The following SLC17A1 variants were observed in gnomAD, a reference collection of about 807,000 sequenced individuals.
SLC17A1 encodes the protein solute carrier family 17 member 1, also known as sodium-dependent phosphate transport protein 1.
SLC17A1 carries 51 observed loss-of-function variants against 53.5 expected under a neutral mutation model. That is an observed-to-expected ratio of 0.95 (90% CI 0.76 to 1.20). The LOEUF (loss-of-function observed/expected upper bound fraction) is 1.20. SLC17A1 is among the 50% of genes most tolerant of loss of function. The probability of loss-of-function intolerance (pLI) is 0.00; values close to 1 mark genes in which losing one functional copy is unlikely to be tolerated. For synonymous variants in SLC17A1, 179 were observed against 198.8 expected (o/e 0.90, Z 0.84); for missense variants, 538 against 568.2 (o/e 0.95, Z 0.54).
chr6:25,745,016 GA>G, the SLC17A1 span, among the ~76,000 whole-genome samples: 3 of 151,618 alleles, frequency 2.0e-5, no homozygotes, highest in African/African-American at 7.3e-5. Flanking sequence ...TTTGAAACCA[GA>G]AATAAAAGCA....
rs1764909577 is a variant in SLC17A1, at chr6:25,830,540, C to T, written c.18G>A (p.Arg6=). The T allele has an allele frequency of 6.2e-7, 1 of 1,613,366 alleles. No homozygotes were observed. The highest frequency in any genetic ancestry group is 1.7e-5 in the Admixed American group (1 of 59,990). Residue 6 remains arginine, a synonymous_variant, in exon 2 of 13, where the codon CGG becomes CGA. Coordinates refer to ENST00000244527, the MANE Select transcript of SLC17A1 (RefSeq NM_005074.5). ...AAGTGCTACCTTTTTTGGGAGGCAA[C>T]CGGTTATCCATTTGCATACACGGCT... MQMDN[R]LPPKKVPGFC...
chr6:25,750,786 G>T, the SLC17A1 span, among the ~76,000 whole-genome samples: 95 of 151,376 alleles, frequency 6.3e-4, no homozygotes, highest in Middle Eastern at 3.4e-3. Flanking sequence ...TTGTGTGTGT[G>T]GGGGGAGGGG....
the SLC17A1 span, chr6:25,773,800 A>G: frequency 1.1e-6 from 1 of 875,700 alleles, no homozygotes; most frequent in Non-Finnish European, 1.7e-6. Context: ...GGACCTCCAT[A>G]TAGGAAATGC....
the SLC17A1 span, chr6:25,726,524 A>G: frequency 6.2e-7 from 1 of 1,605,978 alleles, no homozygotes; most frequent in Non-Finnish European, 8.5e-7. Flanking sequence ...CCTCGTCCAG[A>G]CATCTCCTCG....
chr6:25,819,234 G>A (rs886883110), intron 5 of SLC17A1, 80 bp from the exon 6 acceptor site: 3 of 968,564 alleles, frequency 3.1e-6, no homozygotes, highest in Non-Finnish European at 4.6e-6. Context: ...CTGTAGCAAT[G>A]AACAATTTCC....
intron 10 of SLC17A1, among the ~76,000 whole-genome samples, chr6:25,808,920 G>C (rs941352382): frequency 1.3e-5 from 2 of 151,942 alleles, no homozygotes; most frequent in African/African-American, 2.4e-5. Context: ...CAAAGGAAAA[G>C]ATATTATTGT....
chr6:25,776,749 G>A, the SLC17A1 span: 1 of 1,613,886 alleles, frequency 6.2e-7, no homozygotes, highest in Non-Finnish European at 8.5e-7. Flanking sequence ...ACTGGACACA[G>A]GGGTGAACGT....
chr6:25,734,194 A>G, the SLC17A1 span, among the ~76,000 whole-genome samples: 1 of 152,190 alleles, frequency 6.6e-6, no homozygotes, highest in Non-Finnish European at 1.5e-5. Flanking sequence ...TATAAGAGCT[A>G]TTTGTTGAAA....
chr6:25,773,366 A>G, the SLC17A1 span: 1 of 1,613,882 alleles, frequency 6.2e-7, no homozygotes, highest in Non-Finnish European at 8.5e-7. Context: ...GTGAGAAGAG[A>G]TACATTGTGT....
intron 6 of SLC17A1, among the ~76,000 whole-genome samples, chr6:25,813,621 T>C (rs1334663965): frequency 6.6e-6 from 1 of 152,218 alleles, no homozygotes; most frequent in African/African-American, 2.4e-5. Flanking sequence ...AGTTTATTTA[T>C]ATAGGTAAAC....
At chr6:25,791,282 T>C (rs1763495193) in intron 12 of SLC17A1, among the ~76,000 whole-genome samples, 1 of 152,176 alleles carries the variant, frequency 6.6e-6, no homozygotes, top group Non-Finnish European at 1.5e-5. Context: ...TTATAAACTT[T>C]CCTGGAAGAA....
downstream of SLC17A1, among the ~76,000 whole-genome samples, chr6:25,778,811 G>T (rs971463414): frequency 7.9e-5 from 12 of 152,216 alleles, no homozygotes; most frequent in African/African-American, 2.9e-4. Flanking sequence ...AGCAAGGACT[G>T]AAAGGGAGTG....
chr6:25,771,403 G>A, the SLC17A1 span, among the ~76,000 whole-genome samples: 2 of 151,742 alleles, frequency 1.3e-5, no homozygotes, highest in Non-Finnish European at 2.9e-5. Context: ...GTTAAACCCC[G>A]TCTCTACTAA....
the SLC17A1 span, chr6:25,726,563 A>C: frequency 4.1e-4 from 652 of 1,580,964 alleles, 4 homozygotes; most frequent in African/African-American, 7.5e-3. Context: ...CGAGAACCAC[A>C]TTTCTAGGGC....
intron 12 of SLC17A1, among the ~76,000 whole-genome samples, chr6:25,789,777 G>C (rs1763461870): frequency 1.3e-5 from 2 of 152,150 alleles, no homozygotes; most frequent in East Asian, 3.8e-4. Context: ...AAACTAAAGA[G>C]ACATGGCAAC....
At chr6:25,736,870 C>T in the SLC17A1 span, among the ~76,000 whole-genome samples, 1 of 152,182 alleles carries the variant, frequency 6.6e-6, no homozygotes, top group African/African-American at 2.4e-5. Flanking sequence ...TATGAAATCA[C>T]ATTTGCAAAA....
chr6:25,740,193 A>G, the SLC17A1 span, among the ~76,000 whole-genome samples: 1 of 152,348 alleles, frequency 6.6e-6, no homozygotes, highest in Admixed American at 6.5e-5. Context: ...ATAAAAATAA[A>G]TTAAAATTTT....
chr6:25,789,156 G>A (rs2151474829), intron 12 of SLC17A1, among the ~76,000 whole-genome samples: 2 of 152,208 alleles, frequency 1.3e-5, no homozygotes, highest in Non-Finnish European at 2.9e-5. Flanking sequence ...TTAGAGTGAG[G>A]ACTGATTTCA....
chr6:25,751,801 C>T, the SLC17A1 span, among the ~76,000 whole-genome samples: 1 of 151,972 alleles, frequency 6.6e-6, no homozygotes. Context: ...GCCTCAGGTA[C>T]TTGCCATACC....
Sources: allele counts gnomAD v4.1 joint callset (sites outside exome capture counted in the v4.1 genomes callset), GRCh38; gene constraint gnomAD v4.1.1; transcripts MANE v1.5; gene names NCBI Gene and HGNC (gene_info 2026-07-23, HGNC 2026-07-21).